Variants in PRIM2 observed in about 807,000 individuals in gnomAD.
The protein encoded by PRIM2 is DNA primase subunit 2, also known as DNA primase large subunit.
In PRIM2, 39 loss-of-function variants were observed where a neutral mutation model predicts 67.3. The observed-to-expected ratio is 0.58, with a 90% CI of 0.45 to 0.76. PRIM2 has a LOEUF of 0.76. Ranked by LOEUF, PRIM2 falls within the 30% of genes least tolerant of loss-of-function variation. The pLI, the probability that PRIM2 is intolerant of heterozygous loss-of-function variation, is 0.00. For missense variants in PRIM2, 398 were observed against 598.7 expected, an observed-to-expected ratio of 0.66 and a Z score of 3.50; for synonymous variants, 143 against 198.7, an observed-to-expected ratio of 0.72 and a Z score of 2.36.
chr6:57,534,578 A>T (rs1774961721), intron 9 of PRIM2, among the ~76,000 whole-genome samples: 1 of 152,144 alleles, frequency 6.6e-6, no homozygotes, highest in Non-Finnish European at 1.5e-5. Context: ...ACTCTCATAT[A>T]GTCTTTTCAC....
intron 13 of PRIM2, among the ~76,000 whole-genome samples, chr6:57,640,031 T>C (rs1462848628): frequency 1.3e-5 from 2 of 152,134 alleles, no homozygotes; most frequent in Non-Finnish European, 1.5e-5. Flanking sequence ...AAAAAGCTTA[T>C]CTACCATGAT....
intron 9 of PRIM2, among the ~76,000 whole-genome samples, chr6:57,534,300 T>C (rs2127468985): frequency 6.6e-6 from 1 of 152,122 alleles, no homozygotes; most frequent in East Asian, 1.9e-4. Flanking sequence ...TTTGTTGCTA[T>C]TCGACCCCCT....
intron 5 of PRIM2, among the ~76,000 whole-genome samples, chr6:57,344,766 T>A (rs966003763): frequency 2.0e-5 from 3 of 152,184 alleles, no homozygotes; most frequent in African/African-American, 7.2e-5. Flanking sequence ...GTTGTAAAAA[T>A]ACACCATGGC....
intron 9 of PRIM2, among the ~76,000 whole-genome samples, chr6:57,537,174 A>T (rs1775018438): frequency 6.6e-6 from 1 of 152,172 alleles, no homozygotes; most frequent in South Asian, 2.1e-4. Flanking sequence ...TAATTAAATT[A>T]AAAAAACAGG....
chr6:57,515,127 TTAATA>T lies in PRIM2; in HGVS notation c.761+7677_761+7681del, dbSNP rs1215268119. On this transcript the variant is annotated intron_variant, in intron 8 of 13. Transcript: ENST00000615550. ...AGTGGTCAACTTTTAAAATTTTCAC[TTAATA>T]TAACTAGGTAATAAAGTAGAAAATT... Among the ~76,000 whole-genome samples, 34 of 152,324 alleles carry T rather than the reference TTAATA, an allele frequency of 2.2e-4. No individual in the cohort carries two copies. In the South Asian group the frequency reaches 6.8e-3, roughly 31 times the overall value.
intron 7 of PRIM2, among the ~76,000 whole-genome samples, chr6:57,505,608 T>C (rs1475840696): frequency 6.6e-6 from 1 of 152,196 alleles, no homozygotes; most frequent in African/African-American, 2.4e-5. Flanking sequence ...GTGGTTAACT[T>C]TCATTTTGAA....
At chr6:57,273,728 C>G in the PRIM2 span, among the ~76,000 whole-genome samples, 1 of 152,154 alleles carries the variant, frequency 6.6e-6, no homozygotes, top group Non-Finnish European at 1.5e-5. Context: ...TCCAGTTTTT[C>G]TGCTCTGTTT....
chr6:57,633,661 C>A (rs1262086669), intron 13 of PRIM2, among the ~76,000 whole-genome samples: 1 of 152,122 alleles, frequency 6.6e-6, no homozygotes, highest in African/African-American at 2.4e-5. Flanking sequence ...GACAATTTTT[C>A]CATGGTTAAA....
Position 57,495,744 on chromosome 6 carries a change from C to T in PRIM2, c.694-11643C>T, listed in dbSNP as rs1355292228. 4.5e-3 allele frequency among the ~76,000 whole-genome samples: 681 copies of T among 152,128 alleles called. 2 individuals are homozygous for T. The highest frequency in any genetic ancestry group is 7.5e-3 in the Non-Finnish European group (512 of 67,976). ...TCCACTCCCCATAACCTTGATGTTT[C>T]GTTTTGTTTTTGTTTTTGAGACAGG... is the stretch of plus-strand genomic sequence containing the variant. On this transcript the variant is annotated intron_variant, in intron 7 of 13. Coordinates refer to ENST00000615550, the MANE Select transcript of PRIM2 (RefSeq NM_000947.5).
intron 5 of PRIM2, among the ~76,000 whole-genome samples, chr6:57,337,323 T>C (rs1280963283): frequency 1.3e-5 from 2 of 152,038 alleles, no homozygotes; most frequent in African/African-American, 4.8e-5. Flanking sequence ...TCAACAATGA[T>C]ACCCAGGAAT....
intron 5 of PRIM2, among the ~76,000 whole-genome samples, chr6:57,333,811 A>T (rs1222545327): frequency 6.6e-6 from 1 of 152,110 alleles, no homozygotes; most frequent in Non-Finnish European, 1.5e-5. Context: ...ATAAAATTGT[A>T]TGTATTCACT....
At chr6:57,417,695 C>A (rs1417950532) in intron 7 of PRIM2, among the ~76,000 whole-genome samples, 1 of 152,088 alleles carries the variant, frequency 6.6e-6, no homozygotes, top group Non-Finnish European at 1.5e-5. Context: ...TCATAGATCA[C>A]CATAACAGAT....
At chr6:57,565,224 A>G (rs1294524899) in intron 10 of PRIM2, among the ~76,000 whole-genome samples, 1 of 150,722 alleles carries the variant, frequency 6.6e-6, no homozygotes. Context: ...AAATTCTCAC[A>G]TATCTGTCAT....
At chr6:57,369,109 AT>A (rs1230198913) in intron 5 of PRIM2, among the ~76,000 whole-genome samples, 1 of 152,156 alleles carries the variant, frequency 6.6e-6, no homozygotes, top group Non-Finnish European at 1.5e-5. Flanking sequence ...GGGGTGTATA[AT>A]TCTCCCTCAG....
intron 12 of PRIM2, among the ~76,000 whole-genome samples, chr6:57,627,279 CA>C (rs1158722297): frequency 3.0e-3 from 74 of 24,526 alleles, no homozygotes; most frequent in East Asian, 0.014. Context: ...GACTCTGTCT[CA>C]AAAAAAAAAA....
At chr6:57,356,832 C>T (rs868026511) in intron 5 of PRIM2, among the ~76,000 whole-genome samples, 1 of 151,916 alleles carries the variant, frequency 6.6e-6, no homozygotes, top group Non-Finnish European at 1.5e-5. Context: ...GTCTGTTTGC[C>T]ACTTCTATGC....
chr6:57,301,684 G>C, the PRIM2 span, among the ~76,000 whole-genome samples: 1 of 152,270 alleles, frequency 6.6e-6, no homozygotes, highest in African/African-American at 2.4e-5. Context: ...AGGCATGGTG[G>C]TGCATGCCTG....
At chr6:57,433,091 A>G (rs1771887122) in intron 7 of PRIM2, among the ~76,000 whole-genome samples, 1 of 152,168 alleles carries the variant, frequency 6.6e-6, no homozygotes, top group Non-Finnish European at 1.5e-5. Flanking sequence ...TTCGTTATGT[A>G]TTGTGTATGG....
intron 4 of PRIM2, among the ~76,000 whole-genome samples, chr6:57,324,717 T>C (rs945614784): frequency 3.9e-5 from 6 of 152,234 alleles, no homozygotes; most frequent in African/African-American, 1.4e-4. Context: ...TTGGTTTCTT[T>C]TAAGTTAATA....
Sources: allele counts gnomAD v4.1 joint callset (sites outside exome capture counted in the v4.1 genomes callset), GRCh38; gene constraint gnomAD v4.1.1; transcripts MANE v1.5; gene names NCBI Gene and HGNC (gene_info 2026-07-23, HGNC 2026-07-21).